Variants in LSAMP observed in about 807,000 individuals in gnomAD.
LSAMP encodes limbic system associated membrane protein.
Under a neutral mutation model 38.6 loss-of-function variants are expected in LSAMP, and 7 were observed. The observed-to-expected ratio is 0.18, with a 90% confidence interval of 0.10 to 0.34. The LOEUF (loss-of-function observed/expected upper bound fraction) is 0.34. Among genes scored for constraint, LSAMP ranks in the 10% least tolerant of loss-of-function variants. The pLI, the probability that LSAMP is intolerant of heterozygous loss-of-function variation, is 1.00. For synonymous variants in LSAMP, 154 were observed against 166.8 expected (o/e 0.92, Z 0.59); for missense variants, 313 against 420.0 (o/e 0.75, Z 2.23).
chr3:116,390,231 G>A (rs568106611), intron 1 of LSAMP, among the ~76,000 whole-genome samples: 1 of 152,000 alleles, frequency 6.6e-6, no homozygotes, highest in Admixed American at 6.5e-5. Context: ...AAGGATCTAG[G>A]ATTTTCAAAG....
At chr3:115,891,891 T>G (rs2107459915) in intron 3 of LSAMP, among the ~76,000 whole-genome samples, 1 of 152,066 alleles carries the variant, frequency 6.6e-6, no homozygotes, top group East Asian at 1.9e-4. Flanking sequence ...CTGCATATAG[T>G]TAAGTAGAAA....
At chr3:116,214,387 A>G (rs974986522) in intron 1 of LSAMP, among the ~76,000 whole-genome samples, 3 of 152,048 alleles carry the variant, frequency 2.0e-5, no homozygotes, top group Non-Finnish European at 2.9e-5. Context: ...TGACCTCTCT[A>G]TGAGAAAATG....
chr3:116,404,706 TTAGCCAA>T (rs2048879734), intron 1 of LSAMP, among the ~76,000 whole-genome samples: 1 of 152,192 alleles, frequency 6.6e-6, no homozygotes, highest in Non-Finnish European at 1.5e-5. Context: ...TTTCTCCTTG[TTAGCCAA>T]CCTCAGACAG....
rs147943673 is a variant in LSAMP, at chr3:116,444,909, G to A, written c.123C>T (p.Ile41=). 1.2e-6 allele frequency: 2 copies of A among 1,614,098 alleles called. No homozygotes were observed. The highest frequency in any genetic ancestry group is 4.5e-5 in the East Asian group (2 of 44,842). Residue 41 remains isoleucine, a synonymous_variant, in exon 1 of 7, where the codon ATC becomes ATT. Coordinates refer to ENST00000490035, the MANE Select transcript of LSAMP (RefSeq NM_002338.5). ...SVDFNRGTDN[I]TVRQGDTAIL... ...TGGCTGTGTCCCCCTGCCTCACGGT[G>A]ATGTTGTCCGTGCCTCGGTTAAAAT...
At chr3:116,331,494 A>G (rs1370605655) in intron 1 of LSAMP, among the ~76,000 whole-genome samples, 1 of 152,152 alleles carries the variant, frequency 6.6e-6, no homozygotes, top group East Asian at 1.9e-4. Context: ...GAAAGCAACA[A>G]GAGAAAATGA....
At chr3:115,982,821 T>C (rs1339162362) in intron 3 of LSAMP, among the ~76,000 whole-genome samples, 1 of 152,020 alleles carries the variant, frequency 6.6e-6, no homozygotes, top group Non-Finnish European at 1.5e-5. Context: ...TTTAATCACT[T>C]CCTCTTTTTC....
At chr3:115,958,190 T>G (rs1469865870) in intron 3 of LSAMP, among the ~76,000 whole-genome samples, 1 of 152,196 alleles carries the variant, frequency 6.6e-6, no homozygotes, top group East Asian at 1.9e-4. Flanking sequence ...AAGTGCCTAT[T>G]TTGATGCCCT....
chr3:115,821,450 TG>T (rs1470098828), intron 6 of LSAMP, among the ~76,000 whole-genome samples: 7 of 152,218 alleles, frequency 4.6e-5, no homozygotes, highest in Non-Finnish European at 1.0e-4. Flanking sequence ...ACGTAGAGTT[TG>T]GGGAGTTTAT....
At chr3:116,252,140 A>G (rs1263036125) in intron 1 of LSAMP, among the ~76,000 whole-genome samples, 2 of 152,240 alleles carry the variant, frequency 1.3e-5, no homozygotes, top group African/African-American at 2.4e-5. Flanking sequence ...ATGGGAGACC[A>G]AGGGGTCCCT....
At chr3:116,417,252 A>C (rs929440272) in intron 1 of LSAMP, among the ~76,000 whole-genome samples, 1 of 152,182 alleles carries the variant, frequency 6.6e-6, no homozygotes, top group African/African-American at 2.4e-5. Flanking sequence ...TTCAAAGCAG[A>C]GGTAGCTGGG....
intron 1 of LSAMP, among the ~76,000 whole-genome samples, chr3:116,195,654 C>T (rs1379452493): frequency 7.3e-6 from 1 of 136,318 alleles, no homozygotes; most frequent in East Asian, 2.2e-4. Flanking sequence ...GATGGAAGCC[C>T]AAAAGTAAAT....
intron 1 of LSAMP, chr3:116,370,010 T>C (rs899760278): frequency 3.9e-5 from 6 of 152,586 alleles, no homozygotes; most frequent in African/African-American, 1.4e-4. Context: ...TTTTTGTCTG[T>C]GGTATTTTGT....
At chr3:116,154,991 C>T (rs1709709306) in intron 1 of LSAMP, among the ~76,000 whole-genome samples, 1 of 151,042 alleles carries the variant, frequency 6.6e-6, no homozygotes, top group African/African-American at 2.4e-5. Context: ...ATCTCAGCTC[C>T]ACTGTCATTT....
intron 1 of LSAMP, among the ~76,000 whole-genome samples, chr3:116,177,308 TAC>T (rs1342648817): frequency 6.6e-6 from 1 of 152,112 alleles, no homozygotes; most frequent in Non-Finnish European, 1.5e-5. Context: ...ACTTGGATCC[TAC>T]ATTTTATAAG....
intron 1 of LSAMP, among the ~76,000 whole-genome samples, chr3:116,443,141 G>A (rs2049459673): frequency 6.6e-6 from 1 of 152,182 alleles, no homozygotes; most frequent in Admixed American, 6.5e-5. Context: ...TATTTATATA[G>A]AGTGCTTCAC....
intron 1 of LSAMP, among the ~76,000 whole-genome samples, chr3:116,128,962 T>C (rs1278977092): frequency 6.6e-6 from 1 of 152,134 alleles, no homozygotes; most frequent in East Asian, 1.9e-4. Flanking sequence ...CCCTGAAAGG[T>C]TTTATTTTCA....
intron 1 of LSAMP, among the ~76,000 whole-genome samples, chr3:116,130,682 T>G (rs1387643049): frequency 6.6e-6 from 1 of 152,210 alleles, no homozygotes; most frequent in African/African-American, 2.4e-5. Flanking sequence ...CTCCCTATTT[T>G]TAAGTATTTT....
chr3:115,885,718 C>A (rs566711811), intron 3 of LSAMP, among the ~76,000 whole-genome samples: 1 of 151,510 alleles, frequency 6.6e-6, no homozygotes, highest in Non-Finnish European at 1.5e-5. Context: ...TGCTTCTTAT[C>A]AATCGGAATA....
intron 4 of LSAMP, among the ~76,000 whole-genome samples, chr3:115,849,566 G>A (rs1935266067): frequency 6.6e-6 from 1 of 151,922 alleles, no homozygotes; most frequent in African/African-American, 2.4e-5. Flanking sequence ...CTGATCCCCT[G>A]ACCTAATTCC....
Sources: gnomAD v4.1 joint callset for allele counts (sites outside exome capture counted in the v4.1 genomes callset) on GRCh38, gnomAD v4.1.1 for gene constraint, MANE v1.5 for transcripts, NCBI Gene and HGNC (gene_info 2026-07-23, HGNC 2026-07-21) for gene names.